Variants in ZC2HC1A observed in about 807,000 individuals in gnomAD.
The protein encoded by ZC2HC1A is zinc finger C2HC-type containing 1A.
In ZC2HC1A, 28 loss-of-function variants were observed where a neutral mutation model predicts 40.7. That is an observed-to-expected ratio of 0.69 (90% CI 0.51 to 0.94). The LOEUF (loss-of-function observed/expected upper bound fraction) is 0.94, where lower values mean the gene tolerates loss of function less well. Ranked by LOEUF, ZC2HC1A falls within the 40% of genes least tolerant of loss-of-function variation. The pLI, the probability that ZC2HC1A is intolerant of heterozygous loss-of-function variation, is 0.00. For synonymous variants in ZC2HC1A, 129 were observed against 129.2 expected (o/e 1.00, Z 0.01); for missense variants, 389 against 386.3 (o/e 1.01, Z -0.06).
intron 7 of ZC2HC1A, chr8:78,712,129 G>C (rs1336876379): frequency 3.2e-6 from 4 of 1,245,398 alleles, no homozygotes; most frequent in African/African-American, 1.6e-5. Context: ...AACTCAGTTT[G>C]GTTAATATTT....
chr8:78,699,676 A>G (rs1810538480), intron 7 of ZC2HC1A, among the ~76,000 whole-genome samples: 1 of 151,950 alleles, frequency 6.6e-6, no homozygotes, highest in Non-Finnish European at 1.5e-5. Flanking sequence ...GTGTCCATGT[A>G]GTCTCATAAT....
intron 5 of ZC2HC1A, among the ~76,000 whole-genome samples, chr8:78,695,219 A>G (rs1384282014): frequency 6.6e-6 from 1 of 152,226 alleles, no homozygotes; most frequent in African/African-American, 2.4e-5. Context: ...GGTTCTGAAT[A>G]GCTCAGAAAA....
intron 4 of ZC2HC1A, among the ~76,000 whole-genome samples, chr8:78,688,938 G>C (rs1308551267): frequency 1.3e-5 from 2 of 151,532 alleles, no homozygotes; most frequent in Non-Finnish European, 2.9e-5. Context: ...TTTTTCCTCT[G>C]CTTACTCTTT....
At chr8:78,685,146 T>C (rs1009222160) in intron 3 of ZC2HC1A, among the ~76,000 whole-genome samples, 3 of 152,036 alleles carry the variant, frequency 2.0e-5, no homozygotes, top group Non-Finnish European at 4.4e-5. Context: ...AGTTCAGAAA[T>C]AGGCCCAAAT....
At chr8:78,715,434 G>C in intron 8 of ZC2HC1A, 106 bp downstream of exon 8, 1 of 1,057,914 alleles carries the variant, frequency 9.5e-7, no homozygotes, top group Non-Finnish European at 1.3e-6. Context: ...TAGAAAACCT[G>C]ATTTTTTTCT....
chr8:78,714,365 T>C (rs537571397), intron 7 of ZC2HC1A, among the ~76,000 whole-genome samples: 25 of 152,266 alleles, frequency 1.6e-4, no homozygotes, highest in African/African-American at 5.8e-4. Flanking sequence ...GTAAGCACTA[T>C]TATATAAATG....
chr8:78,672,821 A>G (rs1809472589), intron 1 of ZC2HC1A, among the ~76,000 whole-genome samples: 1 of 152,152 alleles, frequency 6.6e-6, no homozygotes, highest in South Asian at 2.1e-4. Flanking sequence ...TTTTACAGCA[A>G]CTGACAACTT....
chr8:78,703,116 C>G (rs1351155688), intron 7 of ZC2HC1A, among the ~76,000 whole-genome samples: 2 of 152,098 alleles, frequency 1.3e-5, no homozygotes, highest in Non-Finnish European at 2.9e-5. Context: ...AGGCCAGTCT[C>G]AAACCCCTAA....
At chr8:78,696,588 AAAAT>A (rs1810422956) in intron 5 of ZC2HC1A, among the ~76,000 whole-genome samples, 1 of 152,220 alleles carries the variant, frequency 6.6e-6, no homozygotes. Flanking sequence ...AAAGTAAAAT[AAAAT>A]TAATAAAGAT....
intron 7 of ZC2HC1A, among the ~76,000 whole-genome samples, chr8:78,700,365 C>T: frequency 6.7e-6 from 1 of 149,884 alleles, no homozygotes; most frequent in Middle Eastern, 3.4e-3. Context: ...TTGTTTTTTT[C>T]TTGTAAGTTT....
chr8:78,719,295 C>T lies in ZC2HC1A; in HGVS notation c.*1802C>T, dbSNP rs1301625742. On this transcript the variant is annotated 3_prime_UTR_variant, in exon 9 of 9. Transcript: ENST00000263849. ...AAGGAAAGGATAGATAAATAATTGG[C>T]ACACATTTGTTTCTCACTGAATTTT... The T allele has an allele frequency of 6.6e-6, 1 of 151,616 alleles. No homozygotes were observed. The highest frequency in any genetic ancestry group is 1.5e-5 in the Non-Finnish European group (1 of 67,648). 9.4% of individuals were successfully genotyped at this position (151,616 alleles called of 1,614,324 possible). A position where few individuals can be genotyped will look rare whatever the true frequency, so the allele number is the denominator to read the frequency against.
chr8:78,680,505 T>C (rs1357183246), intron 3 of ZC2HC1A, among the ~76,000 whole-genome samples: 1 of 152,098 alleles, frequency 6.6e-6, no homozygotes, highest in Admixed American at 6.6e-5. Context: ...CACATTAAAG[T>C]TTGAGAAGCA....
intron 7 of ZC2HC1A, among the ~76,000 whole-genome samples, chr8:78,699,715 C>T (rs976700816): frequency 1.3e-5 from 2 of 152,092 alleles, no homozygotes; most frequent in African/African-American, 4.8e-5. Flanking sequence ...TGAGAACATG[C>T]AGTATTTGGT....
intron 7 of ZC2HC1A, among the ~76,000 whole-genome samples, chr8:78,699,288 G>A (rs1445730041): frequency 1.3e-5 from 2 of 151,968 alleles, no homozygotes; most frequent in African/African-American, 2.4e-5. Flanking sequence ...GGGAAAAATT[G>A]TAACAGTGGA....
chr8:78,697,933 C>T (rs767950813), intron 6 of ZC2HC1A, among the ~76,000 whole-genome samples: 5 of 152,144 alleles, frequency 3.3e-5, no homozygotes, highest in South Asian at 2.1e-4. Flanking sequence ...CAACCTGAGC[C>T]TCCTAAAGTG....
intron 7 of ZC2HC1A, among the ~76,000 whole-genome samples, chr8:78,705,536 C>T (rs117492510): frequency 6.6e-6 from 1 of 152,236 alleles, no homozygotes; most frequent in East Asian, 1.9e-4. Context: ...TTGGGAGGCT[C>T]CACCTGGTGA....
intron 6 of ZC2HC1A, among the ~76,000 whole-genome samples, chr8:78,697,825 G>C (rs1810476658): frequency 6.6e-6 from 1 of 151,646 alleles, no homozygotes. Flanking sequence ...ACTATAGGCG[G>C]GTGCCACCAT....
chr8:78,670,581 A>G (rs1046902812), intron 1 of ZC2HC1A, among the ~76,000 whole-genome samples: 3 of 152,350 alleles, frequency 2.0e-5, no homozygotes, highest in East Asian at 3.9e-4. Flanking sequence ...GGATTCGTGG[A>G]TAATTCCTAG....
chr8:78,709,005 A>T (rs1228984875), intron 7 of ZC2HC1A, among the ~76,000 whole-genome samples: 1 of 152,216 alleles, frequency 6.6e-6, no homozygotes, highest in Admixed American at 6.5e-5. Context: ...TTTTAGAAAT[A>T]CAGTGAAACA....
Sources: allele counts gnomAD v4.1 joint callset (sites outside exome capture counted in the v4.1 genomes callset), GRCh38; gene constraint gnomAD v4.1.1; transcripts MANE v1.5; gene names NCBI Gene and HGNC (gene_info 2026-07-23, HGNC 2026-07-21).